MAEL: variants seen among roughly 807,000 people sequenced by gnomAD.
MAEL encodes the protein protein maelstrom homolog.
A neutral mutation model predicts 62.0 loss-of-function variants in MAEL; 46 were observed. The ratio of observed to expected loss-of-function variants is 0.74; its 90% CI spans 0.59 to 0.95. The LOEUF is 0.95. Ranked by LOEUF, MAEL falls within the 40% of genes least tolerant of loss-of-function variation. MAEL has a pLI of 0.00. For synonymous variants in MAEL, 172 were observed against 175.5 expected (o/e 0.98, Z 0.16); for missense variants, 497 against 526.8 (o/e 0.94, Z 0.55).
intron 5 of MAEL, among the ~76,000 whole-genome samples, chr1:167,002,855 G>A (rs1238136894): frequency 6.6e-6 from 1 of 152,008 alleles, no homozygotes; most frequent in Admixed American, 6.6e-5. Context: ...GAGTTTATTG[G>A]AAACTCTGTT....
intron 8 of MAEL, among the ~76,000 whole-genome samples, chr1:167,010,574 T>C (rs1328088014): frequency 6.6e-6 from 1 of 152,080 alleles, no homozygotes. Context: ...GTCTCCTGAG[T>C]AGCTGGTACT....
At chr1:166,978,392 A>G (rs985194449) in intron 1 of MAEL, among the ~76,000 whole-genome samples, 7 of 152,178 alleles carry the variant, frequency 4.6e-5, no homozygotes, top group African/African-American at 1.7e-4. Flanking sequence ...ATTTTGAAAT[A>G]TATGTAATGA....
At position 167,018,468 on chromosome 1, in the gene MAEL, C is replaced by T. The variant is rs1665487500; in HGVS notation, c.1041+509C>T. On this transcript the variant is annotated intron_variant, in intron 10 of 11. Transcript: ENST00000367872. ...ATTTTATTTTAGGTTCTGCTACATA[C>T]AAGTTTTGTGACTTTATGCACAATA... 2.0e-5 allele frequency among the ~76,000 whole-genome samples: 3 copies of T among 151,942 alleles called. No individual in the cohort carries two copies. In the South Asian group the frequency reaches 6.3e-4, roughly 32 times the overall value.
chr1:167,007,045 G>A (rs1664944194), intron 8 of MAEL, among the ~76,000 whole-genome samples: 2 of 151,082 alleles, frequency 1.3e-5, no homozygotes, highest in Admixed American at 1.3e-4. Context: ...GCTGATTTTT[G>A]CCTGAGTCAA....
intron 1 of MAEL, among the ~76,000 whole-genome samples, chr1:166,979,124 T>C (rs1663681958): frequency 6.6e-6 from 1 of 152,184 alleles, no homozygotes; most frequent in Non-Finnish European, 1.5e-5. Flanking sequence ...CACACAGGCA[T>C]GCATGCACAT....
chr1:167,001,280 G>T (rs1248231292), intron 5 of MAEL, among the ~76,000 whole-genome samples: 1 of 152,156 alleles, frequency 6.6e-6, no homozygotes, highest in Non-Finnish European at 1.5e-5. Flanking sequence ...GGAAGGAGGT[G>T]AGGGATAAAA....
intron 1 of MAEL, among the ~76,000 whole-genome samples, chr1:166,982,770 T>TC (rs1471419097): frequency 6.6e-6 from 1 of 152,152 alleles, no homozygotes; most frequent in Non-Finnish European, 1.5e-5. Context: ...TGGCCCTACC[T>TC]CCCTCTCTAA....
At position 167,001,961 on chromosome 1, in the gene MAEL, AT is replaced by A. The variant is rs542723862; in HGVS notation, c.524-2217del. Among the ~76,000 whole-genome samples, 339 of 152,228 alleles carry A rather than the reference AT, an allele frequency of 2.2e-3. 3 individuals carry two copies. The highest frequency in any genetic ancestry group is 7.8e-3 in the African/African-American group (323 of 41,530). ...ACGCCCAGCTAATTTTTGTATTTTT[AT>A]TAGAGACAAGGTTTTGCCATGTTGG... On this transcript the variant is annotated intron_variant, in intron 5 of 11. Coordinates refer to ENST00000367872, the MANE Select transcript of MAEL (RefSeq NM_032858.3).
At chr1:166,989,278 T>C (rs2102065790), upstream of MAEL, 2 of 1,534,402 alleles carry the variant, frequency 1.3e-6, no homozygotes, top group Non-Finnish European at 8.8e-7. Context: ...CCTACCTCTG[T>C]TACTTAGGGC....
chr1:167,006,639 AT>A lies in MAEL; in HGVS notation c.845+1256del, dbSNP rs529814044. Among the ~76,000 whole-genome samples, 776 of 86,440 alleles carry A rather than the reference AT, an allele frequency of 9.0e-3. 9 individuals are homozygous for A. Among genetic ancestry groups the A allele is most frequent in the African/African-American group, 0.022 (509 of 22,650 alleles). 56.7% of individuals were successfully genotyped at this position (86,440 alleles called of 152,430 possible). ...TATATATATATATATATATATATAC[AT>A]TTTTTTTTTTTTTGAGACAGAGTCT... On this transcript the variant is annotated intron_variant, in intron 8 of 11. Coordinates refer to ENST00000367872, the MANE Select transcript of MAEL (RefSeq NM_032858.3).
Position 167,022,092 on chromosome 1 carries a change from G to A in MAEL, c.*237G>A, listed in dbSNP as rs1311971990. On this transcript the variant is annotated 3_prime_UTR_variant, in exon 12 of 12. Coordinates refer to ENST00000367872, the MANE Select transcript of MAEL (RefSeq NM_032858.3). ...GCTGTATGATGGGTATATCATTAAA[G>A]TTTGGAGTCCTATATGAACAAAACT... The A allele has an allele frequency of 2.4e-6, 1 of 415,594 alleles. No individual in the cohort carries two copies. Among genetic ancestry groups the A allele is most frequent in the African/African-American group, 2.0e-5 (1 of 49,386 alleles). 25.7% of individuals were successfully genotyped at this position (415,594 alleles called of 1,614,324 possible). A position where few individuals can be genotyped will look rare whatever the true frequency, so the allele number is the denominator to read the frequency against.
At chr1:166,991,553 T>G in intron 3 of MAEL, 76 bp downstream of exon 3, 1 of 883,270 alleles carries the variant, frequency 1.1e-6, no homozygotes, top group African/African-American at 1.6e-5. Flanking sequence ...AAAAATATTT[T>G]CTGTTCATTT....
upstream of MAEL, among the ~76,000 whole-genome samples, chr1:166,985,591 A>G (rs530887206): frequency 4.6e-5 from 7 of 152,252 alleles, no homozygotes; most frequent in Non-Finnish European, 1.0e-4. Flanking sequence ...TTAGCCTTAA[A>G]GATTGCTCTG....
intron 3 of MAEL, among the ~76,000 whole-genome samples, 157 bp from the exon 4 acceptor site, chr1:166,992,529 C>T (rs184512343): frequency 3.3e-5 from 5 of 152,150 alleles, no homozygotes; most frequent in South Asian, 2.1e-4. Context: ...TTATTTGGTA[C>T]GGCTGATTGG....
Position 167,021,733 on chromosome 1 carries a change from C to T in MAEL, c.1183C>T (p.Arg395Cys), listed in dbSNP as rs762104760. 26 of 1,613,196 alleles carry T rather than the reference C, an allele frequency of 1.6e-5. No individual in the cohort carries two copies. Among genetic ancestry groups the T allele is most frequent in the East Asian group, 2.2e-5 (1 of 44,836 alleles). The change falls in exon 12 of 12, where the codon CGC becomes TGC. Residue 395 changes from arginine to cysteine, a missense_variant. Transcript: ENST00000367872. ...CAGCGTTCGGGGAAGAGGAATTACC[C>T]GCTTACTAGAGAGCATTTCCAATTC... ...NSSVRGRGIT[R>C]LLESISNSSS...
chr1:167,012,885 G>T (rs1665229191), intron 8 of MAEL, among the ~76,000 whole-genome samples: 1 of 128,276 alleles, frequency 7.8e-6, no homozygotes, highest in Non-Finnish European at 1.6e-5. Flanking sequence ...AGATGAGGTT[G>T]AAGCAGTTGG....
In MAEL at chr1:167,005,352, G is replaced by C. The variant is rs754539955; in HGVS notation, c.800G>C (p.Arg267Pro). ...FLKEPSKTWI[R>P]SLLDVAMWDY... The stretch of plus-strand genomic sequence containing the variant: ...AAGGAGCCCTCTAAGACTTGGATTC[G>C]AAGCCTCCTAGATGTGGCCATGTGG... Residue 267 changes from arginine to proline, a missense_variant, in exon 8 of 12, where the codon CGA (arginine) becomes CCA (proline). Arg to Pro is a moderately radical substitution (Grantham distance 103). Coordinates refer to ENST00000367872, the MANE Select transcript of MAEL (RefSeq NM_032858.3). 4 of 1,613,430 alleles carry C rather than the reference G, an allele frequency of 2.5e-6. No homozygotes were observed. The highest frequency in any genetic ancestry group is 3.4e-6 in the Non-Finnish European group (4 of 1,179,734).
upstream of MAEL, among the ~76,000 whole-genome samples, chr1:166,985,032 C>T (rs377674080): frequency 1.3e-5 from 2 of 152,146 alleles, no homozygotes; most frequent in African/African-American, 2.4e-5. Context: ...TACTTTTGCA[C>T]CAACCTAATA....
intron 3 of MAEL, among the ~76,000 whole-genome samples, chr1:166,991,742 A>G (rs140984365): frequency 2.4e-4 from 37 of 151,864 alleles, no homozygotes; most frequent in Admixed American, 6.6e-4. Context: ...AGACTTGTTT[A>G]TAATTGGACA....
Sources: allele counts gnomAD v4.1 joint callset (sites outside exome capture counted in the v4.1 genomes callset), GRCh38; gene constraint gnomAD v4.1.1; transcripts MANE v1.5; gene names NCBI Gene and HGNC (gene_info 2026-07-23, HGNC 2026-07-21).